ANO1: variants seen among roughly 807,000 people sequenced by gnomAD.
ANO1 encodes anoctamin 1.
In ANO1, 59 loss-of-function variants were observed where a neutral mutation model predicts 124.0. The ratio of observed to expected loss-of-function variants is 0.48; its 90% CI spans 0.39 to 0.59. ANO1 has a LOEUF of 0.59. Ranked by LOEUF, ANO1 falls within the 20% of genes least tolerant of loss-of-function variation. The pLI is 0.00. For synonymous variants in ANO1, 529 were observed against 532.0 expected (o/e 0.99, Z 0.08); for missense variants, 1,059 against 1,328.0 (o/e 0.80, Z 3.15).
chr11:70,138,209 G>T (rs2047018382), intron 11 of ANO1, among the ~76,000 whole-genome samples: 1 of 146,796 alleles, frequency 6.8e-6, no homozygotes. Context: ...GCTGGCCGTA[G>T]TGGCACGCGC....
chr11:70,155,689 C>T (rs994105101), intron 14 of ANO1, among the ~76,000 whole-genome samples: 4 of 152,232 alleles, frequency 2.6e-5, no homozygotes, highest in Non-Finnish European at 1.5e-5. Context: ...TCTCCCGTCT[C>T]CACCACCTTT....
At chr11:70,147,118 TC>T (rs144905083) in intron 11 of ANO1, among the ~76,000 whole-genome samples, 3,472 of 152,318 alleles carry the variant, frequency 0.023, 157 homozygotes, top group African/African-American at 0.078. Flanking sequence ...GGAGCAGCCC[TC>T]CCGGGCAGTG....
intron 1 of ANO1, among the ~76,000 whole-genome samples, chr11:70,022,974 C>A (rs1386107985): frequency 6.6e-6 from 1 of 152,122 alleles, no homozygotes; most frequent in African/African-American, 2.4e-5. Context: ...GCACTGCCAG[C>A]TTGAGATGGA....
At chr11:70,126,542 C>G (rs76163403) in intron 10 of ANO1, among the ~76,000 whole-genome samples, 1 of 152,172 alleles carries the variant, frequency 6.6e-6, no homozygotes, top group East Asian at 1.9e-4. Flanking sequence ...CTTGTGTGGC[C>G]GGGAGGTGAG....
chr11:70,185,431 G>T (rs573781113), intron 24 of ANO1, among the ~76,000 whole-genome samples, 159 bp from the exon 25 acceptor site: 1 of 152,172 alleles, frequency 6.6e-6, no homozygotes, highest in African/African-American at 2.4e-5. Context: ...CTCCGTGGGT[G>T]CGGGGCCATG....
At chr11:70,148,094 C>T (rs982524336) in intron 11 of ANO1, among the ~76,000 whole-genome samples, 2 of 152,328 alleles carry the variant, frequency 1.3e-5, no homozygotes, top group African/African-American at 4.8e-5. Flanking sequence ...AGACTCACGA[C>T]CTCTGAACCA....
chr11:70,029,956 G>A (rs1162265941), intron 1 of ANO1, among the ~76,000 whole-genome samples: 3 of 152,224 alleles, frequency 2.0e-5, no homozygotes, highest in Admixed American at 6.5e-5. Flanking sequence ...AGGGCCACTG[G>A]AGGAGTGGGT....
chr11:70,063,933 A>AG, intron 1 of ANO1: 1 of 151,964 alleles, frequency 6.6e-6, no homozygotes. Context: ...CTGGGGAAAA[A>AG]GTCTTCAGAC....
the ANO1 span, among the ~76,000 whole-genome samples, chr11:69,975,262 A>T: frequency 2.2e-4 from 33 of 152,198 alleles, no homozygotes; most frequent in Non-Finnish European, 2.9e-5. Flanking sequence ...CCCTCCCCAC[A>T]GTGGGCTCTG....
At chr11:69,973,038 T>G in the ANO1 span, among the ~76,000 whole-genome samples, 3,653 of 151,938 alleles carry the variant, frequency 0.024, 85 homozygotes, top group African/African-American at 0.056. Flanking sequence ...GCCTCCTGAG[T>G]AGCTAGAATT....
In ANO1 at chr11:70,068,000, T is replaced by C. The variant is rs185720731; in HGVS notation, c.59-10542T>C. ...CACAGCTTAACACGTAGAAGGACCTTAATAAATAGGCTGATTGCCCCTGTG... is the reference window on the plus strand; with the variant it reads ...CACAGCTTAACACGTAGAAGGACCTCAATAAATAGGCTGATTGCCCCTGTG... On this transcript the variant is annotated intron_variant, in intron 1 of 27. Transcript: ENST00000531349. 1.3e-3 allele frequency among the ~76,000 whole-genome samples: 204 copies of C among 152,326 alleles called. 1 individual carries two copies. The highest frequency in any genetic ancestry group is 4.7e-3 in the African/African-American group (196 of 41,566).
intron 1 of ANO1, among the ~76,000 whole-genome samples, chr11:70,001,836 G>T (rs1554999325): frequency 6.6e-6 from 1 of 151,976 alleles, no homozygotes; most frequent in Non-Finnish European, 1.5e-5. Context: ...TCTCACTCTT[G>T]TCACCCAGGC....
At chr11:70,025,800 GTGA>G (rs1477004613) in intron 1 of ANO1, among the ~76,000 whole-genome samples, 6 of 133,596 alleles carry the variant, frequency 4.5e-5, no homozygotes, top group African/African-American at 8.6e-5. Flanking sequence ...GGTGTTGACA[GTGA>G]TGATGATGAT....
At chr11:70,162,177 C>T (rs2048077198) in intron 18 of ANO1, among the ~76,000 whole-genome samples, 1 of 144,274 alleles carries the variant, frequency 6.9e-6, no homozygotes, top group African/African-American at 2.6e-5. Context: ...GGGCCTTGGG[C>T]AGTGGGGACC....
At chr11:70,100,791 C>T (rs941847319) in intron 2 of ANO1, among the ~76,000 whole-genome samples, 1 of 152,172 alleles carries the variant, frequency 6.6e-6, no homozygotes. Context: ...GGGACCGGCA[C>T]GGAACTGACA....
chr11:70,040,486 G>A (rs960330215), intron 1 of ANO1, among the ~76,000 whole-genome samples: 2 of 152,144 alleles, frequency 1.3e-5, no homozygotes, highest in South Asian at 2.1e-4. Context: ...AGAGTGGCCT[G>A]GCCAACATAG....
rs1214698014 is a variant in ANO1 at position 70,126,107 on chromosome 11, G to A, written c.1009G>A (p.Val337Met). Reference sequence around the variant, plus strand: ...CGGCCTGTACTTCGCCTGGCTGGGCGTGTACACCCAGATGCTCATCCCTGC... The same window carrying A: ...CGGCCTGTACTTCGCCTGGCTGGGCATGTACACCCAGATGCTCATCCCTGC... ...KIGLYFAWLGVYTQMLIPASI... is the reference protein window; with the variant it reads ...KIGLYFAWLGMYTQMLIPASI... The change falls in exon 10 of 26, where the codon GTG becomes ATG. Residue 337 changes from valine (V) to methionine (M), a missense_variant. Physicochemically the swap from Val to Met is conservative, Grantham distance 21 (BLOSUM62 1). Transcript: ENST00000355303. 2 of 1,613,254 alleles carry A rather than the reference G, an allele frequency of 1.2e-6. No homozygotes were observed. Among genetic ancestry groups the A allele is most frequent in the Non-Finnish European group, 1.7e-6 (2 of 1,179,598 alleles).
intron 1 of ANO1, among the ~76,000 whole-genome samples, chr11:70,004,635 C>T (rs1856450211): frequency 1.3e-5 from 2 of 152,262 alleles, no homozygotes; most frequent in African/African-American, 2.4e-5. Context: ...CAGGCTTCTC[C>T]ATCACACTGC....
chr11:70,078,168 T>TA (rs1405756586), upstream of ANO1: 1 of 152,422 alleles, frequency 6.6e-6, no homozygotes, highest in Non-Finnish European at 1.5e-5. Flanking sequence ...TTTCCCTGGA[T>TA]AAAAATAAAA....
Sources: allele counts gnomAD v4.1 joint callset (sites outside exome capture counted in the v4.1 genomes callset), GRCh38; gene constraint gnomAD v4.1.1; transcripts MANE v1.5; gene names NCBI Gene and HGNC (gene_info 2026-07-23, HGNC 2026-07-21).